Variants in CDH9 observed in about 807,000 individuals in gnomAD.
CDH9 encodes cadherin 9, also known as cadherin-9.
In CDH9, 28 loss-of-function variants were observed where a neutral mutation model predicts 70.9. The ratio of observed to expected loss-of-function variants is 0.40; its 90% CI spans 0.29 to 0.54. CDH9 has a LOEUF of 0.54. Ranked by LOEUF, CDH9 falls within the 20% of genes least tolerant of loss-of-function variation. CDH9 has a pLI of 0.59. For synonymous variants in CDH9, 409 were observed against 343.1 expected (o/e 1.19, Z -2.12); for missense variants, 874 against 984.4 (o/e 0.89, Z 1.50).
intron 2 of CDH9, among the ~76,000 whole-genome samples, chr5:26,930,058 A>G (rs1741414314): frequency 6.6e-6 from 1 of 152,208 alleles, no homozygotes; most frequent in South Asian, 2.1e-4. Context: ...ATTTACCCTG[A>G]TGTGATTATT....
At chr5:26,985,721 G>A (rs1742477585) in intron 2 of CDH9, among the ~76,000 whole-genome samples, 1 of 151,972 alleles carries the variant, frequency 6.6e-6, no homozygotes, top group African/African-American at 2.4e-5. Flanking sequence ...TGGTGAATAC[G>A]ACAGGCCTTT....
intron 2 of CDH9, among the ~76,000 whole-genome samples, chr5:26,938,028 A>G (rs1305844453): frequency 6.6e-6 from 1 of 152,114 alleles, no homozygotes; most frequent in Non-Finnish European, 1.5e-5. Flanking sequence ...TTTAAAATGT[A>G]CCATGATAAT....
intron 2 of CDH9, among the ~76,000 whole-genome samples, chr5:26,934,146 A>G (rs1222770736): frequency 1.3e-5 from 2 of 152,084 alleles, no homozygotes; most frequent in Admixed American, 6.6e-5. Context: ...GTTCTTTTCA[A>G]CAACCAGTTC....
chr5:26,935,425 T>C (rs1244085702), intron 2 of CDH9, among the ~76,000 whole-genome samples: 2 of 152,090 alleles, frequency 1.3e-5, no homozygotes, highest in Admixed American at 1.3e-4. Flanking sequence ...AGTACACAGA[T>C]TGTGAAGGAA....
intron 2 of CDH9, among the ~76,000 whole-genome samples, chr5:26,952,329 G>C (rs1741860733): frequency 6.7e-6 from 1 of 148,568 alleles, no homozygotes; most frequent in Non-Finnish European, 1.5e-5. Context: ...GAGGTGATTG[G>C]GTCGGCCGGG....
chr5:27,018,940 A>T (rs1743090822), intron 1 of CDH9, among the ~76,000 whole-genome samples: 1 of 151,990 alleles, frequency 6.6e-6, no homozygotes, highest in Non-Finnish European at 1.5e-5. Flanking sequence ...TGTGTTCCCT[A>T]CATCATCTTT....
At position 26,883,041 on chromosome 5, in the gene CDH9, T is replaced by TTAGATATA. The variant is rs1221330777; in HGVS notation, c.1883-1419_1883-1418insTATATCTA. ...AAGCTGAGCTATATTCAGGATCATC[T>TTAGATATA]TATATATATATATATATATATATAT... On this transcript the variant is annotated intron_variant, in intron 11 of 11. Transcript: ENST00000231021. Among the ~76,000 whole-genome samples the TTAGATATA allele has an allele frequency of 2.8e-3, 160 of 58,018 alleles. 30 individuals carry two copies. The highest frequency in any genetic ancestry group is 4.0e-3 in the Non-Finnish European group (123 of 30,520). The allele number at this position is 58,018 out of a possible 152,430, so 38.1% of individuals were successfully genotyped here. A position where few individuals can be genotyped will look rare whatever the true frequency, so the allele number is the denominator to read the frequency against.
intron 2 of CDH9, among the ~76,000 whole-genome samples, chr5:26,966,148 C>T (rs939688737): frequency 1.3e-5 from 2 of 152,156 alleles, no homozygotes; most frequent in Non-Finnish European, 2.9e-5. Flanking sequence ...CCTGGAGTTC[C>T]TCATATCCAG....
Position 26,889,880 on chromosome 5 carries a change from T to G in CDH9, c.1468A>C (p.Met490Leu), listed in dbSNP as rs370853928. The G allele has an allele frequency of 5.0e-6, 8 of 1,602,458 alleles. No individual in the cohort carries two copies. The African/African-American group carries it at 1.1e-4, about 21-fold the overall frequency. ...TCACAAACAAATGTTTCATAATACATGGCAAATTCCGGAGCATGGTCATTT... is the reference window on the plus strand; with the variant it reads ...TCACAAACAAATGTTTCATAATACAGGGCAAATTCCGGAGCATGGTCATTT... ...DINDHAPEFA[M>L]YYETFVCENA... The change falls in exon 9 of 12, where the codon ATG becomes CTG. Residue 490 changes from methionine to leucine, a missense_variant. Transcript: ENST00000231021.
chr5:27,025,160 C>T (rs1743200612), intron 1 of CDH9, among the ~76,000 whole-genome samples: 1 of 142,984 alleles, frequency 7.0e-6, no homozygotes. Context: ...AGCATATTAT[C>T]TGTGTGTTAT....
chr5:26,925,393 GTTGT>G (rs1320897531), intron 2 of CDH9, among the ~76,000 whole-genome samples: 1 of 152,066 alleles, frequency 6.6e-6, no homozygotes, highest in Non-Finnish European at 1.5e-5. Context: ...TTCTGATGGG[GTTGT>G]TTGTTTTATT....
chr5:26,988,496 A>G (rs1490882424), intron 1 of CDH9, 114 bp from the exon 2 acceptor site: 2 of 828,840 alleles, frequency 2.4e-6, no homozygotes, highest in Non-Finnish European at 1.7e-6. Context: ...TGTACTATAT[A>G]TACATTATAT....
intron 3 of CDH9, among the ~76,000 whole-genome samples, chr5:26,908,533 C>T (rs1170979302): frequency 3.3e-5 from 5 of 152,078 alleles, no homozygotes; most frequent in Admixed American, 3.3e-4. Flanking sequence ...TTTCTTTTAA[C>T]ATGAACATTA....
chr5:26,909,729 T>A (rs904380362), intron 3 of CDH9, among the ~76,000 whole-genome samples: 1 of 151,850 alleles, frequency 6.6e-6, no homozygotes. Flanking sequence ...ATAGAAAATA[T>A]GTTAAGGAAT....
In CDH9 at chr5:27,020,566, C is replaced by CAA. The variant is rs574783661; in HGVS notation, c.-50+17896_-50+17897insTT. Among the ~76,000 whole-genome samples the CAA allele has an allele frequency of 2.0e-3, 302 of 151,634 alleles. 1 individual carries two copies. The highest frequency in any genetic ancestry group is 3.6e-3 in the Non-Finnish European group (241 of 67,702). On this transcript the variant is annotated intron_variant, in intron 1 of 11. Coordinates refer to ENST00000231021, the MANE Select transcript of CDH9 (RefSeq NM_016279.4). ...TGTTATTATAAGGTAAGATATATGT[C>CAA]TATCTTAAGTGTTTATTTTGTGCAT...
intron 1 of CDH9, among the ~76,000 whole-genome samples, chr5:26,989,532 CTCTT>C (rs1369489686): frequency 2.0e-5 from 3 of 151,132 alleles, no homozygotes; most frequent in East Asian, 1.9e-4. Flanking sequence ...CTCTCTCTCT[CTCTT>C]TCTCTCTCTT....
At chr5:26,929,768 T>G (rs370790646) in intron 2 of CDH9, among the ~76,000 whole-genome samples, 14 of 152,044 alleles carry the variant, frequency 9.2e-5, no homozygotes, top group Non-Finnish European at 1.6e-4. Context: ...ATATTCTCAT[T>G]TATTTGTTAG....
intron 1 of CDH9, among the ~76,000 whole-genome samples, chr5:26,997,250 T>C (rs73076036): frequency 0.019 from 2,890 of 152,018 alleles, 93 homozygotes; most frequent in African/African-American, 0.066. Flanking sequence ...GAGATGCATA[T>C]GTGTGTGTGT....
At chr5:26,906,624 G>C in intron 4 of CDH9, 95 bp downstream of exon 4, 1 of 1,463,078 alleles carries the variant, frequency 6.8e-7, no homozygotes, top group Non-Finnish European at 9.1e-7. Flanking sequence ...GAAACTGAAA[G>C]AATAATGGTT....
Sources: allele counts gnomAD v4.1 joint callset (sites outside exome capture counted in the v4.1 genomes callset), GRCh38; gene constraint gnomAD v4.1.1; transcripts MANE v1.5; gene names NCBI Gene and HGNC (gene_info 2026-07-23, HGNC 2026-07-21).